Variants in SLIT3 observed in about 807,000 individuals in gnomAD.
SLIT3 encodes the protein slit guidance ligand 3, also known as slit homolog 3 protein.
SLIT3 carries 68 observed loss-of-function variants against 184.0 expected under a neutral mutation model. That is an observed-to-expected ratio of 0.37 (90% CI 0.30 to 0.45). The LOEUF (loss-of-function observed/expected upper bound fraction) is 0.45. Ranked by LOEUF, SLIT3 falls within the 20% of genes least tolerant of loss-of-function variation. The pLI is 1.00. For synonymous variants in SLIT3, 831 were observed against 828.6 expected (o/e 1.00, Z -0.05); for missense variants, 1,707 against 2,026.0 (o/e 0.84, Z 3.02).
chr5:168,718,751 C>T (rs1561891941), intron 23 of SLIT3, among the ~76,000 whole-genome samples: 1 of 151,346 alleles, frequency 6.6e-6, no homozygotes, highest in African/African-American at 2.4e-5. Flanking sequence ...CTCTCTCTTT[C>T]TCTCTCTCTC....
At chr5:168,899,116 C>A (rs1320989668) in intron 4 of SLIT3, among the ~76,000 whole-genome samples, 1 of 152,218 alleles carries the variant, frequency 6.6e-6, no homozygotes. Context: ...GCTCTTTCAG[C>A]TTTTCTAAAT....
At chr5:168,772,179 C>G (rs1755574808) in intron 14 of SLIT3, 1 of 152,274 alleles carries the variant, frequency 6.6e-6, no homozygotes, top group Non-Finnish European at 1.5e-5. Flanking sequence ...AAGAACGAGG[C>G]TTTGTTTCTT....
chr5:168,831,666 T>G (rs1757886976), intron 6 of SLIT3, among the ~76,000 whole-genome samples: 1 of 152,092 alleles, frequency 6.6e-6, no homozygotes, highest in Non-Finnish European at 1.5e-5. Flanking sequence ...TGGCACCGGG[T>G]GAGCGTTATT....
intron 4 of SLIT3, among the ~76,000 whole-genome samples, chr5:169,044,365 T>C (rs887498548): frequency 3.9e-5 from 6 of 152,166 alleles, no homozygotes; most frequent in African/African-American, 1.4e-4. Flanking sequence ...TTATTCATGA[T>C]AGCCAAAAGG....
At chr5:168,832,568 T>A (rs539862725) in intron 6 of SLIT3, among the ~76,000 whole-genome samples, 1 of 152,302 alleles carries the variant, frequency 6.6e-6, no homozygotes, top group African/African-American at 2.4e-5. Flanking sequence ...TCTGGGCTAA[T>A]CCAGGAGTAC....
chr5:168,796,306 C>T (rs1442331453), intron 9 of SLIT3, among the ~76,000 whole-genome samples: 2 of 152,210 alleles, frequency 1.3e-5, no homozygotes, highest in East Asian at 3.8e-4. Context: ...CCCAGAACTT[C>T]CTTGGAAGAG....
intron 4 of SLIT3, among the ~76,000 whole-genome samples, chr5:168,914,384 G>C (rs1221023367): frequency 6.6e-6 from 1 of 152,200 alleles, no homozygotes; most frequent in Admixed American, 6.5e-5. Flanking sequence ...CCAGGGTTTG[G>C]GGAAGATTAA....
chr5:169,208,694 C>T (rs975728816), intron 3 of SLIT3, among the ~76,000 whole-genome samples: 2 of 152,170 alleles, frequency 1.3e-5, no homozygotes, highest in Non-Finnish European at 2.9e-5. Flanking sequence ...AAATGATTCC[C>T]TATTTAATAA....
At chr5:169,214,940 G>T (rs1028894484) in intron 3 of SLIT3, among the ~76,000 whole-genome samples, 1 of 152,032 alleles carries the variant, frequency 6.6e-6, no homozygotes, top group East Asian at 1.9e-4. Context: ...CCGTTCCCCT[G>T]GTCCAGGCTG....
intron 26 of SLIT3, among the ~76,000 whole-genome samples, chr5:168,701,002 C>T (rs1306991338): frequency 2.0e-5 from 3 of 152,360 alleles, no homozygotes; most frequent in South Asian, 2.1e-4. Context: ...GCTGAATTCA[C>T]ATACAGCTGG....
At chr5:168,960,813 T>C (rs980263898) in intron 4 of SLIT3, among the ~76,000 whole-genome samples, 4 of 152,226 alleles carry the variant, frequency 2.6e-5, no homozygotes, top group South Asian at 2.1e-4. Context: ...TTTGCAGTCA[T>C]AGAACCTAAA....
intron 4 of SLIT3, among the ~76,000 whole-genome samples, chr5:169,005,407 G>C (rs1278740152): frequency 6.6e-6 from 1 of 152,160 alleles, no homozygotes; most frequent in Non-Finnish European, 1.5e-5. Flanking sequence ...GAGAGATGAT[G>C]CATGTAACAT....
At chr5:168,783,524 T>A (rs72827643) in intron 12 of SLIT3, among the ~76,000 whole-genome samples, 13,240 of 152,234 alleles carry the variant, frequency 0.087, 813 homozygotes, top group South Asian at 0.27. Flanking sequence ...CAGGGCCACT[T>A]CGTGTGGCAG....
intron 3 of SLIT3, among the ~76,000 whole-genome samples, chr5:169,211,164 C>T (rs1226959170): frequency 6.6e-6 from 1 of 152,152 alleles, no homozygotes; most frequent in Admixed American, 6.5e-5. Context: ...CAGCCAAACC[C>T]AGCCAACCCA....
At chr5:168,782,335 C>T (rs11740705) in intron 12 of SLIT3, among the ~76,000 whole-genome samples, 18,454 of 152,230 alleles carry the variant, frequency 0.12, 1,416 homozygotes, top group Middle Eastern at 0.19. Context: ...GTCATGTGAT[C>T]GATGAGCACT....
chr5:169,228,361 CAGG>C (rs1188001395), intron 3 of SLIT3, among the ~76,000 whole-genome samples: 2 of 152,148 alleles, frequency 1.3e-5, no homozygotes, highest in East Asian at 1.9e-4. Context: ...GTCACCAAAG[CAGG>C]AGAACATACT....
intron 1 of SLIT3, among the ~76,000 whole-genome samples, chr5:169,266,723 T>G (rs1315038708): frequency 6.6e-6 from 1 of 152,218 alleles, no homozygotes; most frequent in Non-Finnish European, 1.5e-5. Context: ...GCCTTGTCTA[T>G]GCTAACTGAT....
At chr5:169,204,654 A>G (rs1764009397) in intron 3 of SLIT3, among the ~76,000 whole-genome samples, 1 of 152,192 alleles carries the variant, frequency 6.6e-6, no homozygotes, top group African/African-American at 2.4e-5. Context: ...ACCTGTGGCA[A>G]CAGCGGGAAG....
intron 4 of SLIT3, among the ~76,000 whole-genome samples, chr5:169,187,784 C>T (rs573237023): frequency 6.6e-6 from 1 of 151,922 alleles, no homozygotes; most frequent in East Asian, 1.9e-4. Flanking sequence ...AAACTCCTGG[C>T]TTCAAGTGAT....
Sources: gnomAD v4.1 joint callset for allele counts (sites outside exome capture counted in the v4.1 genomes callset) on GRCh38, gnomAD v4.1.1 for gene constraint, MANE v1.5 for transcripts, NCBI Gene and HGNC (gene_info 2026-07-23, HGNC 2026-07-21) for gene names.